ROBO2: variants seen among roughly 807,000 people sequenced by gnomAD.
ROBO2 encodes roundabout homolog 2.
Under a neutral mutation model 160.8 loss-of-function variants are expected in ROBO2, and 53 were observed. That is an observed-to-expected ratio of 0.33 (90% CI 0.26 to 0.41). The LOEUF (loss-of-function observed/expected upper bound fraction) is 0.41. ROBO2 is among the 10% of genes least tolerant of loss of function. The probability of loss-of-function intolerance (pLI) is 1.00; values close to 1 mark genes in which losing one functional copy is unlikely to be tolerated. For missense variants in ROBO2, 1,577 were observed against 1,722.4 expected (o/e 0.92, Z 1.49); for synonymous variants, 664 against 611.7 (o/e 1.09, Z -1.26).
chr3:76,432,234 C>T (rs1316599031), intron 2 of ROBO2, among the ~76,000 whole-genome samples: 2 of 152,030 alleles, frequency 1.3e-5, no homozygotes, highest in African/African-American at 4.8e-5. Flanking sequence ...GTTTTATGGT[C>T]TCAAAAGTAT....
chr3:77,103,570 T>C (rs1410949545), intron 2 of ROBO2, among the ~76,000 whole-genome samples: 2 of 152,316 alleles, frequency 1.3e-5, no homozygotes, highest in East Asian at 3.9e-4. Flanking sequence ...AATTCAAGTA[T>C]GGAACTGGAA....
intron 2 of ROBO2, among the ~76,000 whole-genome samples, chr3:76,768,002 C>A (rs1267095643): frequency 3.3e-5 from 5 of 151,368 alleles, no homozygotes; most frequent in Non-Finnish European, 7.4e-5. Flanking sequence ...TGACACATAA[C>A]TATAATATTA....
At chr3:76,202,930 G>C (rs1702606505) in intron 2 of ROBO2, among the ~76,000 whole-genome samples, 1 of 151,964 alleles carries the variant, frequency 6.6e-6, no homozygotes, top group African/African-American at 2.4e-5. Flanking sequence ...CTGTGTTCAG[G>C]TGTCTTGGAC....
intron 2 of ROBO2, among the ~76,000 whole-genome samples, chr3:77,009,795 A>T (rs2061770479): frequency 6.6e-6 from 1 of 151,736 alleles, no homozygotes; most frequent in Non-Finnish European, 1.5e-5. Flanking sequence ...AAAATACAAA[A>T]ATTAGCTGGG....
chr3:76,752,813 A>AT (rs1295617143), intron 2 of ROBO2, among the ~76,000 whole-genome samples: 3 of 82,640 alleles, frequency 3.6e-5, no homozygotes, highest in African/African-American at 1.8e-4. Context: ...AGTATGCAGC[A>AT]TTTAAAAAAA....
At chr3:76,827,000 C>A (rs905133578) in intron 2 of ROBO2, among the ~76,000 whole-genome samples, 2 of 152,198 alleles carry the variant, frequency 1.3e-5, no homozygotes, top group East Asian at 1.9e-4. Flanking sequence ...GTGTTGGGAC[C>A]TTTGGAGAGG....
chr3:76,243,908 A>G (rs1705457235), intron 2 of ROBO2, among the ~76,000 whole-genome samples: 1 of 152,194 alleles, frequency 6.6e-6, no homozygotes, highest in Non-Finnish European at 1.5e-5. Flanking sequence ...AGCAAAGTAG[A>G]GAACAATGTA....
At chr3:77,147,779 C>CT (rs2150496001) in intron 2 of ROBO2, among the ~76,000 whole-genome samples, 1 of 152,292 alleles carries the variant, frequency 6.6e-6, no homozygotes, top group Admixed American at 6.5e-5. Context: ...TAGTTACCTT[C>CT]TTTTTTCCTT....
At chr3:76,609,349 T>C (rs2087903159) in intron 2 of ROBO2, among the ~76,000 whole-genome samples, 1 of 152,212 alleles carries the variant, frequency 6.6e-6, no homozygotes, top group Non-Finnish European at 1.5e-5. Flanking sequence ...CTTGGTCTTT[T>C]GTGGTTTCAT....
intron 2 of ROBO2, among the ~76,000 whole-genome samples, chr3:77,214,843 T>C (rs1407669998): frequency 6.6e-6 from 1 of 152,188 alleles, no homozygotes; most frequent in Admixed American, 6.5e-5. Context: ...TTATGAAGCT[T>C]AGTTTGGCTG....
rs374177280 is a variant in ROBO2, at chr3:76,466,657, T to G, written c.109+529055T>G. On this transcript the variant is annotated intron_variant, in intron 2 of 26. Transcript: ENST00000487694. ...GACTATTTTTTGTTGACCCATCATTTCCTATCAGAAAGCTCTGGCTAGCTT... is the reference window on the plus strand; with the variant it reads ...GACTATTTTTTGTTGACCCATCATTGCCTATCAGAAAGCTCTGGCTAGCTT... Among the ~76,000 whole-genome samples, 29 of 152,170 alleles carry G rather than the reference T, an allele frequency of 1.9e-4. No individual in the cohort carries two copies. The South Asian group carries it at 2.1e-3, about 11-fold the overall frequency.
chr3:76,837,654 C>T (rs1470761005), intron 2 of ROBO2, among the ~76,000 whole-genome samples: 3 of 151,610 alleles, frequency 2.0e-5, no homozygotes, highest in Non-Finnish European at 2.9e-5. Flanking sequence ...TTATTAATAT[C>T]GTTGTTGTTG....
Position 77,297,144 on chromosome 3 carries a change from A to C in ROBO2, c.389-180270A>C, listed in dbSNP as rs531580089. On this transcript the variant is annotated intron_variant, in intron 2 of 25. Transcript: ENST00000461745. ...GTCTTCAATTCTGGGTCTTCCAGCC[A>C]CCACAGGTGGATCTGAGATGAGTTG... Among the ~76,000 whole-genome samples the C allele has an allele frequency of 2.0e-5, 3 of 152,192 alleles. No individual in the cohort carries two copies. In the South Asian group the frequency reaches 6.2e-4, roughly 32 times the overall value.
Position 77,632,281 on chromosome 3 carries a change from G to T in ROBO2, c.3761-2589G>T, listed in dbSNP as rs563576243. 8.1e-6 allele frequency: 4 copies of T among 492,260 alleles called. No homozygotes were observed. In the Admixed American group the frequency reaches 1.4e-4, roughly 17 times the overall value. 30.5% of individuals were successfully genotyped at this position (492,260 alleles called of 1,614,324 possible). A position where few individuals can be genotyped will look rare whatever the true frequency, so the allele number is the denominator to read the frequency against. ...TGCTTATGTGCTGCAAACAGATACA[G>T]GTTTCAAATGAGCTTCATTCTTCTG... On this transcript the variant is annotated intron_variant, in intron 23 of 25. Coordinates refer to ENST00000461745, the Ensembl canonical transcript of ROBO2.
chr3:76,264,209 A>T (rs2107604542), intron 2 of ROBO2, among the ~76,000 whole-genome samples: 1 of 152,266 alleles, frequency 6.6e-6, no homozygotes, highest in Admixed American at 6.5e-5. Flanking sequence ...CACGTTCTGC[A>T]CTTGTATCTC....
exon 26 of ROBO2, chr3:77,647,301 G>T: frequency 6.6e-6 from 1 of 152,190 alleles, no homozygotes; most frequent in Non-Finnish European, 1.5e-5. Context: ...AATTGTACGT[G>T]CTTAAAAAAC....
At chr3:76,409,237 A>G (rs2075366123) in intron 2 of ROBO2, among the ~76,000 whole-genome samples, 1 of 152,056 alleles carries the variant, frequency 6.6e-6, no homozygotes, top group Non-Finnish European at 1.5e-5. Context: ...ATAAGTAATG[A>G]TCAGATCCAA....
intron 2 of ROBO2, among the ~76,000 whole-genome samples, chr3:76,881,043 C>T (rs1391516474): frequency 6.6e-6 from 1 of 152,100 alleles, no homozygotes; most frequent in African/African-American, 2.4e-5. Context: ...GTTCGAGGGC[C>T]ATTAGCTGTG....
chr3:77,004,182 T>C (rs1442008029), intron 2 of ROBO2, among the ~76,000 whole-genome samples: 1 of 152,190 alleles, frequency 6.6e-6, no homozygotes, highest in Non-Finnish European at 1.5e-5. Context: ...CAGAAATATT[T>C]TGTTGTCCTG....
Sources: allele counts gnomAD v4.1 joint callset (sites outside exome capture counted in the v4.1 genomes callset), GRCh38; gene constraint gnomAD v4.1.1; transcripts MANE v1.5; gene names NCBI Gene and HGNC (gene_info 2026-07-23, HGNC 2026-07-21).